Variants in ARVCF observed in about 807,000 individuals in gnomAD.
ARVCF encodes splicing regulator ARVCF.
In ARVCF, 66 loss-of-function variants were observed where a neutral mutation model predicts 90.9. The ratio of observed to expected loss-of-function variants is 0.73; its 90% CI spans 0.60 to 0.89. The LOEUF (loss-of-function observed/expected upper bound fraction) is 0.89, where lower values mean the gene tolerates loss of function less well. Among genes scored for constraint, ARVCF ranks in the 40% least tolerant of loss-of-function variants. The probability of loss-of-function intolerance (pLI) is 0.00; values close to 1 mark genes in which losing one functional copy is unlikely to be tolerated. For missense variants in ARVCF, 1,469 were observed against 1,382.3 expected (o/e 1.06, Z -1.00); for synonymous variants, 653 against 603.4 (o/e 1.08, Z -1.21).
intron 1 of ARVCF, among the ~76,000 whole-genome samples, chr22:20,015,447 C>T (rs559612906): frequency 6.6e-6 from 1 of 152,306 alleles, no homozygotes; most frequent in African/African-American, 2.4e-5. Context: ...GGCAAGAGAG[C>T]GCTGACTGCC....
intron 5 of ARVCF, 92 bp from the exon 6 acceptor site, chr22:19,980,334 ACT>A: frequency 6.9e-7 from 1 of 1,438,978 alleles, no homozygotes; most frequent in Non-Finnish European, 9.1e-7. Context: ...AGGACTGCAA[ACT>A]CACCCAGCAG....
rs1943155257 is a variant in ARVCF at position 19,976,435 on chromosome 22, T to C, written c.1888+271A>G. 2.0e-5 allele frequency among the ~76,000 whole-genome samples: 3 copies of C among 152,156 alleles called. No individual in the cohort carries two copies. The South Asian group carries it at 6.2e-4, about 32-fold the overall frequency. Reference sequence around the variant, plus strand: ...CTCCGAGCCACATGATGCCCCATTCTATCAGAGAAACAGACTGCTCCTTGG... The same window carrying C: ...CTCCGAGCCACATGATGCCCCATTCCATCAGAGAAACAGACTGCTCCTTGG... On this transcript the variant is annotated intron_variant, in intron 10 of 19. Coordinates refer to ENST00000263207, the MANE Select transcript of ARVCF (RefSeq NM_001670.3).
intron 17 of ARVCF, 54 bp from the exon 18 acceptor site, chr22:19,972,025 G>C: frequency 6.8e-7 from 1 of 1,480,664 alleles, no homozygotes. Flanking sequence ...GGCCCTGTAG[G>C]AGCAGATCTC....
chr22:20,008,394 T>A (rs1289292730), intron 2 of ARVCF, among the ~76,000 whole-genome samples: 1 of 152,144 alleles, frequency 6.6e-6, no homozygotes, highest in African/African-American at 2.4e-5. Context: ...CACCACCCCA[T>A]CACACCCTCC....
chr22:19,972,493 G>C lies in ARVCF; in HGVS notation c.2642-82C>G. On this transcript the variant is annotated intron_variant, in intron 16 of 19. Coordinates refer to ENST00000263207, the MANE Select transcript of ARVCF (RefSeq NM_001670.3). ...GAGAAGCCCACACAGGGCTGGCCCA[G>C]GTAGCCCTAGAGGCTCTCTGTCACT... 1.9e-6 allele frequency: 3 copies of C among 1,556,156 alleles called. No individual in the cohort carries two copies. In the Admixed American group the frequency reaches 5.3e-5, roughly 27 times the overall value.
At chr22:19,992,613 G>A (rs1008602595) in intron 2 of ARVCF, among the ~76,000 whole-genome samples, 9 of 152,324 alleles carry the variant, frequency 5.9e-5, no homozygotes, top group African/African-American at 1.9e-4. Context: ...CCTGGCTGCA[G>A]CACCAGCCCA....
chr22:20,002,292 C>G (rs1944473687), intron 2 of ARVCF, among the ~76,000 whole-genome samples: 2 of 152,136 alleles, frequency 1.3e-5, no homozygotes, highest in African/African-American at 4.8e-5. Context: ...CCAGCTCTGA[C>G]CTGCGGGCTG....
chr22:19,992,745 G>A (rs1944075840), intron 2 of ARVCF, among the ~76,000 whole-genome samples: 1 of 148,806 alleles, frequency 6.7e-6, no homozygotes, highest in African/African-American at 2.5e-5. Flanking sequence ...TTCCCTCCCT[G>A]TGCAGAGACA....
Position 19,970,604 on chromosome 22 carries a change from G to A in ARVCF, c.*152C>T. On this transcript the variant is annotated 3_prime_UTR_variant, in exon 20 of 20. Transcript: ENST00000263207. ...GAGTGGGGTGGGGGGGCAGGAGGGT[G>A]TCCCCAAAGTCAGGCTTGGCTGGGG... The A allele has an allele frequency of 6.4e-6, 8 of 1,257,828 alleles. No individual in the cohort carries two copies. The South Asian group carries it at 6.6e-5, about 10-fold the overall frequency. The allele number at this position is 1,257,828 out of a possible 1,614,324, so 77.9% of individuals were successfully genotyped here.
At position 19,973,766 on chromosome 22, in the gene ARVCF, G is replaced by A. The variant is rs765018528; in HGVS notation, c.2116C>T (p.Arg706Cys). The change falls in exon 13 of 20, where the codon CGC becomes TGC. Residue 706 changes from arginine to cysteine, a missense_variant. By Grantham distance (180) the Arg-to-Cys change is radical. Transcript: ENST00000263207. ...MWATYIRATV[R>C]KERGLPVLVE... ...AGCACCGGCAGCCCGCGCTCTTTGC[G>A]CACTGTGGCGCGGATGTACGTGGCC... is the stretch of plus-strand genomic sequence containing the variant. The A allele has an allele frequency of 2.7e-5, 44 of 1,606,964 alleles. No homozygotes were observed. Among genetic ancestry groups the A allele is most frequent in the Non-Finnish European group, 3.4e-5 (40 of 1,179,772 alleles).
At position 19,978,091 on chromosome 22, in the gene ARVCF, C is replaced by T; in HGVS notation, c.1581-16G>A. 1 of 1,589,070 alleles carries T rather than the reference C, an allele frequency of 6.3e-7. No homozygotes were observed. Among genetic ancestry groups the T allele is most frequent in the Non-Finnish European group, 8.6e-7 (1 of 1,167,126 alleles). On this transcript the variant is annotated splice_polypyrimidine_tract_variant and intron_variant, in intron 7 of 19. Coordinates refer to ENST00000263207, the MANE Select transcript of ARVCF (RefSeq NM_001670.3). ...GCTCACATTCCTGTGTGGCCAAGAG[C>T]AGGCCAGGTGACCCCTGGCTACCAG...
At chr22:19,972,077 T>C in intron 17 of ARVCF, 106 bp from the exon 18 acceptor site, 1 of 1,148,688 alleles carries the variant, frequency 8.7e-7, no homozygotes, top group Non-Finnish European at 1.2e-6. Flanking sequence ...ACAGGGGCTT[T>C]GGGAGACAGC....
chr22:19,967,315 C>T, downstream of ARVCF: 1 of 861,802 alleles, frequency 1.2e-6, no homozygotes, highest in Non-Finnish European at 1.7e-6. Context: ...AGGCAGCCGC[C>T]CTGCTCAAGG....
intron 11 of ARVCF, among the ~76,000 whole-genome samples, chr22:19,974,966 C>G (rs1943067555): frequency 6.6e-6 from 1 of 152,172 alleles, no homozygotes; most frequent in African/African-American, 2.4e-5. Context: ...TTGGGTACTA[C>G]CTCGATCTCC....
Position 19,980,097 on chromosome 22 carries a change from T to C in ARVCF, c.1042A>G (p.Ser348Gly). 2 of 1,586,316 alleles carry C rather than the reference T, an allele frequency of 1.3e-6. No homozygotes were observed. Among genetic ancestry groups the C allele is most frequent in the African/African-American group, 2.7e-5 (2 of 74,550 alleles). ...RLVRRSPSVD[S>G]ARKEPRWRDP... ...CGCCAGCGCGGCTCCTTGCGGGCGC[T>C]ATCCACTGAGGGCGAGCGCCGCACC... Residue 348 changes from serine to glycine, a missense_variant, in exon 6 of 20, where the codon AGC becomes GGC. Ser to Gly is a moderately conservative substitution (Grantham distance 56). Transcript: ENST00000263207.
In ARVCF at chr22:19,976,077, G is replaced by A. The variant is rs138046799; in HGVS notation, c.1889-320C>T. On this transcript the variant is annotated intron_variant, in intron 10 of 19. Coordinates refer to ENST00000263207, the MANE Select transcript of ARVCF (RefSeq NM_001670.3). ...CAGGTATGTAGACTGAGGGAAGCCA[G>A]GAGCCCTGGCTGGATGGTAGGTGGA... is the stretch of plus-strand genomic sequence containing the variant. Among the ~76,000 whole-genome samples, 769 of 152,282 alleles carry A rather than the reference G, an allele frequency of 5.0e-3. 9 individuals are homozygous for A. The highest frequency in any genetic ancestry group is 0.017 in the African/African-American group (721 of 41,548).
At chr22:20,014,992 T>C (rs1177229323) in intron 1 of ARVCF, among the ~76,000 whole-genome samples, 1 of 152,068 alleles carries the variant, frequency 6.6e-6, no homozygotes, top group Admixed American at 6.5e-5. Flanking sequence ...GGGCCACCTC[T>C]GGAGGGAGTG....
downstream of ARVCF, among the ~76,000 whole-genome samples, chr22:19,966,263 G>A (rs1018975772): frequency 2.6e-5 from 4 of 152,072 alleles, no homozygotes; most frequent in Non-Finnish European, 5.9e-5. Context: ...GCTCTTGTGA[G>A]GGTCTAGCCA....
intron 3 of ARVCF, chr22:19,983,812 C>A (rs1216663420): frequency 1.3e-5 from 2 of 152,244 alleles, no homozygotes; most frequent in African/African-American, 2.4e-5. Flanking sequence ...GAAAAGGGGA[C>A]CTGTTCCCTG....
Sources: gnomAD v4.1 joint callset for allele counts (sites outside exome capture counted in the v4.1 genomes callset) on GRCh38, gnomAD v4.1.1 for gene constraint, MANE v1.5 for transcripts, NCBI Gene and HGNC (gene_info 2026-07-23, HGNC 2026-07-21) for gene names.